The following CNTNAP5 variants were observed in gnomAD, a reference collection of about 807,000 sequenced individuals.
The protein encoded by CNTNAP5 is contactin associated protein family member 5.
CNTNAP5 carries 72 observed loss-of-function variants against 150.2 expected under a neutral mutation model. That is an observed-to-expected ratio of 0.48 (90% confidence interval 0.40 to 0.58). The LOEUF (loss-of-function observed/expected upper bound fraction) is 0.58, where lower values mean the gene tolerates loss of function less well. Among genes scored for constraint, CNTNAP5 ranks in the 20% least tolerant of loss-of-function variants. The pLI, the probability that CNTNAP5 is intolerant of heterozygous loss-of-function variation, is 0.00. For synonymous variants in CNTNAP5, 672 were observed against 619.8 expected (o/e 1.08, Z -1.25); for missense variants, 1,636 against 1,626.2 (o/e 1.01, Z -0.10).
chr2:124,830,848 C>A (rs1451707872), intron 19 of CNTNAP5, among the ~76,000 whole-genome samples: 1 of 151,936 alleles, frequency 6.6e-6, no homozygotes, highest in Non-Finnish European at 1.5e-5. Context: ...AAAGTTATAT[C>A]TTCTCAAGGA....
intron 1 of CNTNAP5, among the ~76,000 whole-genome samples, chr2:124,053,842 T>C (rs1182664667): frequency 3.3e-5 from 5 of 152,126 alleles, no homozygotes; most frequent in Non-Finnish European, 7.3e-5. Flanking sequence ...CTCTACTCAA[T>C]GTAAAACCAG....
intron 13 of CNTNAP5, among the ~76,000 whole-genome samples, chr2:124,714,012 T>C (rs1170818855): frequency 6.6e-6 from 1 of 152,172 alleles, no homozygotes; most frequent in East Asian, 1.9e-4. Flanking sequence ...TTATTATTAT[T>C]TGGCCAAGAA....
At chr2:124,710,147 G>GGGAC (rs1251836238) in intron 13 of CNTNAP5, among the ~76,000 whole-genome samples, 2 of 152,104 alleles carry the variant, frequency 1.3e-5, no homozygotes, top group Non-Finnish European at 2.9e-5. Flanking sequence ...GAAAACCCAA[G>GGGAC]GGACCCCTTA....
rs942638194 is a variant in CNTNAP5, at chr2:124,914,544, A to G, written c.*256A>G. On this transcript the variant is annotated 3_prime_UTR_variant, in exon 24 of 24. Transcript: ENST00000682447. ...CAAGAGACTGACTTCGCCATTCAAG[A>G]CAAGGAAGAGACACATGTGTGCACT... 8 of 441,638 alleles carry G rather than the reference A, an allele frequency of 1.8e-5. No homozygotes were observed. Among genetic ancestry groups the G allele is most frequent in the Admixed American group, 1.5e-4 (4 of 26,620 alleles). The allele number at this position is 441,638 out of a possible 1,614,324, so 27.4% of individuals were successfully genotyped here. A position where few individuals can be genotyped will look rare whatever the true frequency, so the allele number is the denominator to read the frequency against.
intron 10 of CNTNAP5, among the ~76,000 whole-genome samples, chr2:124,541,177 C>T (rs1046154399): frequency 6.2e-5 from 2 of 32,116 alleles, no homozygotes; most frequent in East Asian, 3.8e-3. Flanking sequence ...TACAAAATTC[C>T]GATTTTTTTT....
intron 7 of CNTNAP5, among the ~76,000 whole-genome samples, chr2:124,485,612 C>CAAAAAAAAAAAAAAAAAAAAA (rs576700912): frequency 1.9e-5 from 1 of 52,396 alleles, no homozygotes. Flanking sequence ...GACTCTGTCT[C>CAAAAAAAAAAAAAAAAAAAAA]AAAAAAAAAA....
intron 19 of CNTNAP5, among the ~76,000 whole-genome samples, chr2:124,839,424 A>ACTCTCT (rs111259083): frequency 6.9e-6 from 1 of 144,664 alleles, no homozygotes; most frequent in African/African-American, 2.6e-5. Context: ...AAAATGACAC[A>ACTCTCT]CACTCTCTCT....
chr2:124,582,052 A>C (rs1314248580), intron 11 of CNTNAP5, among the ~76,000 whole-genome samples: 2 of 152,242 alleles, frequency 1.3e-5, no homozygotes, highest in African/African-American at 4.8e-5. Flanking sequence ...CGTTAAAATG[A>C]ATCTTGAAAG....
chr2:124,673,679 A>C (rs1678868605), intron 13 of CNTNAP5, among the ~76,000 whole-genome samples: 1 of 151,962 alleles, frequency 6.6e-6, no homozygotes. Context: ...ACGTAATTTA[A>C]TAATCACGTA....
At chr2:124,212,700 A>G (rs2104726859) in intron 1 of CNTNAP5, among the ~76,000 whole-genome samples, 1 of 152,304 alleles carries the variant, frequency 6.6e-6, no homozygotes, top group African/African-American at 2.4e-5. Context: ...CTTCTGATAA[A>G]GCCGATCCTA....
chr2:124,859,531 C>G lies in CNTNAP5; in HGVS notation c.3218-5775C>G, dbSNP rs1196410501. ...CCTCAGGGATCTAGAACTAGAAATA[C>G]CATTTGACCCAGCCGTCCCATTACT... On this transcript the variant is annotated intron_variant, in intron 19 of 23. Transcript: ENST00000682447. 5.9e-5 allele frequency among the ~76,000 whole-genome samples: 9 copies of G among 152,170 alleles called. No individual in the cohort carries two copies. The South Asian group carries it at 8.3e-4, about 14-fold the overall frequency.
chr2:124,641,601 G>A (rs905354846), intron 12 of CNTNAP5, among the ~76,000 whole-genome samples: 7 of 152,184 alleles, frequency 4.6e-5, no homozygotes, highest in Admixed American at 1.3e-4. Flanking sequence ...TTTACCCTTG[G>A]CATAGAAAAT....
At chr2:124,730,787 C>A (rs964352023) in intron 13 of CNTNAP5, among the ~76,000 whole-genome samples, 3 of 151,812 alleles carry the variant, frequency 2.0e-5, no homozygotes, top group African/African-American at 7.3e-5. Context: ...ATAGAAAATC[C>A]TCAAAGGCAA....
chr2:124,359,209 G>C (rs1293852398), intron 3 of CNTNAP5, among the ~76,000 whole-genome samples: 1 of 151,138 alleles, frequency 6.6e-6, no homozygotes, highest in Admixed American at 6.6e-5. Context: ...TTCTTTATTA[G>C]TCTTGCTAGC....
At position 124,704,451 on chromosome 2, in the gene CNTNAP5, A is replaced by G. The variant is rs546478520; in HGVS notation, c.2078-42778A>G. Among the ~76,000 whole-genome samples, 6 of 150,342 alleles carry G rather than the reference A, an allele frequency of 4.0e-5. No individual in the cohort carries two copies. The East Asian group carries it at 7.7e-4, about 19-fold the overall frequency. On this transcript the variant is annotated intron_variant, in intron 13 of 23. Coordinates refer to ENST00000682447, the MANE Select transcript of CNTNAP5 (RefSeq NM_001367498.1). ...TATATCACTATTCCAGGAACATGCC[A>G]GGAACTATATCTGTTTACTTATTCC...
At chr2:124,037,437 G>A (rs1351353014) in intron 1 of CNTNAP5, among the ~76,000 whole-genome samples, 1 of 152,064 alleles carries the variant, frequency 6.6e-6, no homozygotes, top group Admixed American at 6.6e-5. Context: ...TAACCTAAGT[G>A]TTCATTAGCA....
chr2:124,670,168 C>CCTTCCTTCCTTT (rs1678786479), intron 13 of CNTNAP5, among the ~76,000 whole-genome samples: 1 of 135,868 alleles, frequency 7.4e-6, no homozygotes, highest in East Asian at 2.0e-4. Flanking sequence ...TTCCTTCCTT[C>CCTTCCTTCCTTT]CTTCCTTCCT....
intron 3 of CNTNAP5, among the ~76,000 whole-genome samples, chr2:124,337,600 A>G (rs1573925130): frequency 6.6e-6 from 1 of 152,218 alleles, no homozygotes; most frequent in Non-Finnish European, 1.5e-5. Context: ...GTGGCTAGCC[A>G]GTTTTCCCAT....
Position 124,545,815 on chromosome 2 carries a change from A to T in CNTNAP5, c.1650-17402A>T, listed in dbSNP as rs981386846. ...AATTTTAAAATTCAGCCTCAAGCCA[A>T]GTACAGTAGCACAGCCCTCCAGTCC... On this transcript the variant is annotated intron_variant, in intron 10 of 23. Coordinates refer to ENST00000682447, the MANE Select transcript of CNTNAP5 (RefSeq NM_001367498.1). Among the ~76,000 whole-genome samples, 7 of 152,314 alleles carry T rather than the reference A, an allele frequency of 4.6e-5. No individual in the cohort carries two copies. In the East Asian group the frequency reaches 1.4e-3, roughly 29 times the overall value.
Sources: gnomAD v4.1 joint callset for allele counts (sites outside exome capture counted in the v4.1 genomes callset) on GRCh38, gnomAD v4.1.1 for gene constraint, MANE v1.5 for transcripts, NCBI Gene and HGNC (gene_info 2026-07-23, HGNC 2026-07-21) for gene names.